RBFOX1: variants seen among roughly 807,000 people sequenced by gnomAD.
RBFOX1 encodes RNA binding fox-1 homolog 1.
Under a neutral mutation model 57.7 loss-of-function variants are expected in RBFOX1, and 8 were observed. The ratio of observed to expected loss-of-function variants is 0.14; its 90% CI spans 0.08 to 0.25. The LOEUF (loss-of-function observed/expected upper bound fraction) is 0.25. RBFOX1 is among the 10% of genes least tolerant of loss of function. The pLI, the probability that RBFOX1 is intolerant of heterozygous loss-of-function variation, is 1.00. For synonymous variants in RBFOX1, 326 were observed against 222.4 expected (o/e 1.47, Z -4.15); for missense variants, 611 against 548.5 (o/e 1.11, Z -1.14).
At position 5,247,842 on chromosome 16, in the gene RBFOX1, C is replaced by G. The variant is rs531127169; in HGVS notation, c.219+7737C>G. Among the ~76,000 whole-genome samples, 4 of 152,262 alleles carry G rather than the reference C, an allele frequency of 2.6e-5. No homozygotes were observed. The South Asian group carries it at 8.3e-4, about 32-fold the overall frequency. ...CCCAGGCGGCCATGAGTCCAGCCAC[C>G]CTTGAAATGTACACAGGTCTGGGCT... On this transcript the variant is annotated intron_variant, in intron 1 of 2. Coordinates refer to the RBFOX1 transcript ENST00000585867.
At chr16:7,583,955 A>G (rs1479594938) in intron 6 of RBFOX1, among the ~76,000 whole-genome samples, 2 of 152,152 alleles carry the variant, frequency 1.3e-5, no homozygotes, top group Admixed American at 1.3e-4. Flanking sequence ...AGATTTCAAG[A>G]TCACTTTTTA....
chr16:6,639,339 C>G (rs1164449243), intron 2 of RBFOX1, among the ~76,000 whole-genome samples: 1 of 152,088 alleles, frequency 6.6e-6, no homozygotes, highest in Non-Finnish European at 1.5e-5. Context: ...GTGCTAGGAT[C>G]TTTACAAGAG....
chr16:7,255,895 G>T (rs539620088), intron 4 of RBFOX1, among the ~76,000 whole-genome samples: 2 of 152,000 alleles, frequency 1.3e-5, no homozygotes, highest in Non-Finnish European at 2.9e-5. Context: ...ATGGCTTTCC[G>T]TTACCTTATT....
At chr16:5,987,357 A>T (rs1596349977) in intron 4 of RBFOX1, among the ~76,000 whole-genome samples, 1 of 152,266 alleles carries the variant, frequency 6.6e-6, no homozygotes, top group East Asian at 1.9e-4. Context: ...TCTTTCCAGG[A>T]TCTTCTGCAC....
intron 1 of RBFOX1, among the ~76,000 whole-genome samples, chr16:6,124,658 A>G (rs993620096): frequency 6.6e-6 from 1 of 152,210 alleles, no homozygotes; most frequent in South Asian, 2.1e-4. Flanking sequence ...ATGCACCAGC[A>G]TGCCCGGCTA....
In RBFOX1 at chr16:7,638,420, A is replaced by C. The variant is rs1410181855; in HGVS notation, c.757+7737A>C. Among the ~76,000 whole-genome samples the C allele has an allele frequency of 1.5e-3, 19 of 12,862 alleles. No individual in the cohort carries two copies. The South Asian group carries it at 0.45, about 306-fold the overall frequency. 8.4% of individuals were successfully genotyped at this position (12,862 alleles called of 152,430 possible). On this transcript the variant is annotated intron_variant, in intron 11 of 15. Coordinates refer to ENST00000550418, the MANE Select transcript of RBFOX1 (RefSeq NM_018723.4). ...AGCCGCCTTCTTCACTACTCTCTCAACTTACCCCAGAGGCTGGAAACAGGA... is the reference window on the plus strand; with the variant it reads ...AGCCGCCTTCTTCACTACTCTCTCACCTTACCCCAGAGGCTGGAAACAGGA...
intron 1 of RBFOX1, among the ~76,000 whole-genome samples, chr16:6,121,125 C>T (rs778930254): frequency 3.3e-5 from 5 of 152,128 alleles, no homozygotes; most frequent in African/African-American, 1.2e-4. Context: ...GGAGTGTGCA[C>T]CTGGTGTGTC....
intron 4 of RBFOX1, among the ~76,000 whole-genome samples, chr16:7,240,398 C>G (rs1348633737): frequency 3.3e-5 from 5 of 152,194 alleles, no homozygotes; most frequent in Admixed American, 6.5e-5. Context: ...CTGTGATCAT[C>G]TGAAGCCCTT....
At chr16:6,176,728 G>A (rs1231233998) in intron 1 of RBFOX1, among the ~76,000 whole-genome samples, 1 of 149,766 alleles carries the variant, frequency 6.7e-6, no homozygotes, top group Non-Finnish European at 1.5e-5. Context: ...CCAAGATATT[G>A]TATTGGTTAC....
chr16:6,653,034 G>A (rs2098609561), intron 2 of RBFOX1, among the ~76,000 whole-genome samples: 1 of 151,880 alleles, frequency 6.6e-6, no homozygotes, highest in South Asian at 2.1e-4. Context: ...AACCACAGTG[G>A]CCTCCTTCCT....
chr16:5,878,102 A>G (rs1236588892), intron 4 of RBFOX1, among the ~76,000 whole-genome samples: 1 of 152,138 alleles, frequency 6.6e-6, no homozygotes, highest in African/African-American at 2.4e-5. Flanking sequence ...AAAATAGCAA[A>G]GAGATTGCTT....
intron 2 of RBFOX1, among the ~76,000 whole-genome samples, chr16:6,544,833 G>C (rs949519435): frequency 6.6e-6 from 1 of 152,190 alleles, no homozygotes; most frequent in East Asian, 1.9e-4. Context: ...CCCACGACCA[G>C]TGATATTATG....
chr16:7,366,872 A>T (rs917422515), intron 4 of RBFOX1, among the ~76,000 whole-genome samples: 1 of 152,202 alleles, frequency 6.6e-6, no homozygotes, highest in Non-Finnish European at 1.5e-5. Context: ...AAGAAAGCGC[A>T]TAGAGCTTTT....
intron 4 of RBFOX1, among the ~76,000 whole-genome samples, chr16:7,257,090 C>A (rs1603450939): frequency 6.6e-6 from 1 of 152,184 alleles, no homozygotes; most frequent in African/African-American, 2.4e-5. Context: ...CCGGGCTTTG[C>A]ATGCCATCGT....
intron 2 of RBFOX1, among the ~76,000 whole-genome samples, chr16:6,594,339 C>G (rs2097756032): frequency 1.3e-5 from 2 of 152,142 alleles, no homozygotes; most frequent in South Asian, 4.2e-4. Context: ...CATATTTAAC[C>G]TATCCTTACC....
intron 7 of RBFOX1, among the ~76,000 whole-genome samples, chr16:7,593,223 G>C (rs1390407201): frequency 1.3e-5 from 2 of 152,128 alleles, no homozygotes; most frequent in East Asian, 3.9e-4. Context: ...ACTCCAGTCT[G>C]GGATTCTAAT....
intron 1 of RBFOX1, among the ~76,000 whole-genome samples, chr16:5,305,278 A>G (rs892467444): frequency 6.6e-6 from 1 of 152,256 alleles, no homozygotes; most frequent in South Asian, 2.1e-4. Flanking sequence ...AAGTGTTCCT[A>G]TTCTGAGCCT....
intron 1 of RBFOX1, among the ~76,000 whole-genome samples, chr16:6,141,627 T>G (rs976889771): frequency 1.3e-5 from 2 of 152,218 alleles, no homozygotes; most frequent in Non-Finnish European, 2.9e-5. Context: ...CCAAATATTT[T>G]CCTTTCTAAT....
chr16:6,672,137 G>C (rs1157043365), intron 3 of RBFOX1, among the ~76,000 whole-genome samples: 1 of 152,082 alleles, frequency 6.6e-6, no homozygotes, highest in Admixed American at 6.6e-5. Flanking sequence ...TGGAGGCTAA[G>C]GTAACATTAG....
Sources: allele counts gnomAD v4.1 joint callset (sites outside exome capture counted in the v4.1 genomes callset), GRCh38; gene constraint gnomAD v4.1.1; transcripts MANE v1.5; gene names NCBI Gene and HGNC (gene_info 2026-07-23, HGNC 2026-07-21).